The following LHCGR variants were observed in gnomAD, a reference collection of about 807,000 sequenced individuals.
LHCGR encodes lutropin-choriogonadotropic hormone receptor.
In LHCGR, 55 loss-of-function variants were observed where a neutral mutation model predicts 60.7. The ratio of observed to expected loss-of-function variants is 0.91; its 90% CI spans 0.73 to 1.13. The LOEUF (loss-of-function observed/expected upper bound fraction) is 1.13, where lower values mean the gene tolerates loss of function less well. Among genes scored for constraint, LHCGR ranks in the 50% most tolerant of loss-of-function variants. The pLI is 0.00. For synonymous variants in LHCGR, 337 were observed against 316.5 expected (o/e 1.06, Z -0.69); for missense variants, 862 against 836.0 (o/e 1.03, Z -0.38).
chr2:48,698,757 G>C lies in LHCGR; in HGVS notation c.724C>G (p.Leu242Val), dbSNP rs748188941. 1.9e-6 allele frequency: 3 copies of C among 1,614,094 alleles called. No homozygotes were observed. Among genetic ancestry groups the C allele is most frequent in the Non-Finnish European group, 2.5e-6 (3 of 1,179,976 alleles). The part of the protein sequence containing the change: ...TKLQALPSYG[L>V]ESIQRLIATS... ...GCAATTAGCCTCTGAATGGACTCTA[G>C]GCCATAGCTCGGCAGGGCCTGCAAT... Residue 242 changes from leucine to valine, a missense_variant, in exon 9 of 11, where the codon CTA becomes GTA. By Grantham distance (32) the Leu-to-Val change is conservative (BLOSUM62 1). Transcript: ENST00000294954.
intron 8 of LHCGR, among the ~76,000 whole-genome samples, chr2:48,699,843 C>G (rs572462534): frequency 6.6e-6 from 1 of 152,214 alleles, no homozygotes; most frequent in African/African-American, 2.4e-5. Context: ...AAGAAAATTC[C>G]AAACACATTA....
At chr2:48,700,297 C>CTCTGA (rs1455919065) in intron 8 of LHCGR, among the ~76,000 whole-genome samples, 1 of 152,096 alleles carries the variant, frequency 6.6e-6, no homozygotes, top group Non-Finnish European at 1.5e-5. Flanking sequence ...GGCAGTGAAC[C>CTCTGA]TCTGATAGTG....
chr2:48,749,210 C>T (rs1669844493), intron 1 of LHCGR, among the ~76,000 whole-genome samples: 1 of 152,150 alleles, frequency 6.6e-6, no homozygotes, highest in African/African-American at 2.4e-5. Context: ...AGTGGTTTGC[C>T]AGGAGGTGGT....
intron 1 of LHCGR, among the ~76,000 whole-genome samples, chr2:48,742,516 C>G (rs908698728): frequency 5.9e-5 from 9 of 151,946 alleles, no homozygotes; most frequent in Middle Eastern, 3.2e-3. Context: ...TGCAATCAAA[C>G]TAGAACTCAG....
At chr2:48,725,595 T>C (rs1668681659) in intron 4 of LHCGR, 81 bp downstream of exon 4, 1 of 998,390 alleles carries the variant, frequency 1.0e-6, no homozygotes, top group Non-Finnish European at 1.6e-6. Context: ...AAACAAAATC[T>C]TTCCAACCTT....
Position 48,755,529 on chromosome 2 carries a change from G to C in LHCGR, c.143C>G (p.Thr48Arg), listed in dbSNP as rs1304063801. 8 of 1,540,846 alleles carry C rather than the reference G, an allele frequency of 5.2e-6. No individual in the cohort carries two copies. In the South Asian group the frequency reaches 6.0e-5, roughly 12 times the overall value. The change falls in exon 1 of 11, where the codon ACG becomes AGG. Residue 48 changes from threonine (T) to arginine (R), a missense_variant. Transcript: ENST00000294954. The stretch of plus-strand genomic sequence containing the variant: ...TACTCACAGTCGAGTGAGACCGGCC[G>C]TGGGGCCGGGGCAGCGCAGGGCGCC... ...PDGALRCPGP[T>R]AGLTRLSLAY... is the part of the protein sequence containing the mutation.
chr2:48,726,945 C>G (rs983447676), intron 3 of LHCGR, among the ~76,000 whole-genome samples: 5 of 152,134 alleles, frequency 3.3e-5, no homozygotes, highest in African/African-American at 1.2e-4. Context: ...TTTTTCTGAC[C>G]CTCAGTTTAG....
At chr2:48,695,290 T>C (rs1280938367) in intron 9 of LHCGR, among the ~76,000 whole-genome samples, 1 of 152,210 alleles carries the variant, frequency 6.6e-6, no homozygotes, top group Non-Finnish European at 1.5e-5. Flanking sequence ...GGAAGCTCTG[T>C]AGTCTAATTA....
intron 8 of LHCGR, among the ~76,000 whole-genome samples, chr2:48,706,010 A>G (rs1002604959): frequency 6.6e-6 from 1 of 152,066 alleles, no homozygotes; most frequent in African/African-American, 2.4e-5. Context: ...ACAATTTGGT[A>G]TGTTTTTGCA....
chr2:48,734,882 A>G (rs1669149502), intron 1 of LHCGR, among the ~76,000 whole-genome samples: 1 of 152,216 alleles, frequency 6.6e-6, no homozygotes, highest in Non-Finnish European at 1.5e-5. Context: ...GGTGGTAAAG[A>G]ATTAGGGTTA....
rs1668890832 is a variant in LHCGR at position 48,729,457 on chromosome 2, C to A, written c.234-230G>T. On this transcript the variant is annotated intron_variant, in intron 2 of 10. Transcript: ENST00000294954. Reference sequence around the variant, plus strand: ...CAGTTGAAATGCAAGTTTTAGTAGCCCCTGTTTATGTGACAAGTTTTTCTC... The same window carrying A: ...CAGTTGAAATGCAAGTTTTAGTAGCACCTGTTTATGTGACAAGTTTTTCTC... 3.9e-5 allele frequency among the ~76,000 whole-genome samples: 6 copies of A among 152,166 alleles called. No individual in the cohort carries two copies. The South Asian group carries it at 1.2e-3, about 32-fold the overall frequency.
intron 6 of LHCGR, among the ~76,000 whole-genome samples, chr2:48,722,190 G>A (rs188978570): frequency 2.9e-3 from 436 of 152,244 alleles, no homozygotes; most frequent in Non-Finnish European, 4.8e-3. Flanking sequence ...CTTCTGAATG[G>A]TACGGCAGTG....
intron 2 of LHCGR, among the ~76,000 whole-genome samples, chr2:48,730,301 G>A (rs1042988929): frequency 1.3e-5 from 2 of 152,102 alleles, no homozygotes; most frequent in African/African-American, 2.4e-5. Context: ...TGCATTAAAG[G>A]TTATCAAAAC....
chr2:48,731,224 T>C lies in LHCGR; in HGVS notation c.233+3A>G. ...GTCTTTTGATATGCAGTAACTTACTTACATTTTTATGACCTCATTAAGTCC... is the reference window on the plus strand; with the variant it reads ...GTCTTTTGATATGCAGTAACTTACTCACATTTTTATGACCTCATTAAGTCC... On this transcript the variant is annotated splice_donor_region_variant and intron_variant, in intron 2 of 10. Transcript: ENST00000294954. 3.8e-6 allele frequency: 6 copies of C among 1,595,028 alleles called. No homozygotes were observed. The highest frequency in any genetic ancestry group is 5.2e-6 in the Non-Finnish European group (6 of 1,163,488).
At chr2:48,695,276 G>A (rs552843998) in intron 9 of LHCGR, among the ~76,000 whole-genome samples, 5 of 152,184 alleles carry the variant, frequency 3.3e-5, no homozygotes, top group South Asian at 4.2e-4. Context: ...TTCTTTTGCC[G>A]TGTGGAAGCT....
At chr2:48,749,441 A>G (rs1489427290) in intron 1 of LHCGR, among the ~76,000 whole-genome samples, 3 of 152,236 alleles carry the variant, frequency 2.0e-5, no homozygotes, top group South Asian at 4.1e-4. Flanking sequence ...ATATGCTCCC[A>G]TGGAGCCAGC....
chr2:48,752,263 G>T (rs1186828306), intron 1 of LHCGR, among the ~76,000 whole-genome samples: 8 of 152,066 alleles, frequency 5.3e-5, no homozygotes, highest in South Asian at 2.1e-4. Flanking sequence ...CATGTACCTT[G>T]TTTTTTTTCT....
rs372303300 is a variant in LHCGR at position 48,743,624 on chromosome 2, A to C, written c.161+11887T>G. Among the ~76,000 whole-genome samples the C allele has an allele frequency of 4.5e-3, 687 of 152,054 alleles. 3 individuals carry two copies. Among genetic ancestry groups the C allele is most frequent in the African/African-American group, 0.016 (659 of 41,464 alleles). ...ATTATCTCAATAGATGCAGAAAAGG[A>C]CTTTGACAAAATTCAACAACCCTTC... On this transcript the variant is annotated intron_variant, in intron 1 of 10. Transcript: ENST00000294954.
At chr2:48,730,912 A>G (rs1668958055) in intron 2 of LHCGR, among the ~76,000 whole-genome samples, 1 of 152,208 alleles carries the variant, frequency 6.6e-6, no homozygotes, top group South Asian at 2.1e-4. Flanking sequence ...ACAAGGGAAT[A>G]GCTGCTCTAG....
Sources: allele counts gnomAD v4.1 joint callset (sites outside exome capture counted in the v4.1 genomes callset), GRCh38; gene constraint gnomAD v4.1.1; transcripts MANE v1.5; gene names NCBI Gene and HGNC (gene_info 2026-07-23, HGNC 2026-07-21).